The following ATG10 variants were observed in gnomAD, a reference collection of about 807,000 sequenced individuals.
ATG10 encodes the protein autophagy related 10, also known as ubiquitin-like-conjugating enzyme ATG10.
Under a neutral mutation model 32.1 loss-of-function variants are expected in ATG10, and 30 were observed. The observed-to-expected ratio is 0.94, with a 90% confidence interval of 0.70 to 1.27. The LOEUF (loss-of-function observed/expected upper bound fraction) is 1.27, where lower values mean the gene tolerates loss of function less well. ATG10 is among the 50% of genes most tolerant of loss of function. ATG10 has a pLI of 0.00. For synonymous variants in ATG10, 87 were observed against 91.5 expected, an observed-to-expected ratio of 0.95 and a Z score of 0.28; for missense variants, 233 against 262.3, an observed-to-expected ratio of 0.89 and a Z score of 0.77.
chr5:82,118,892 G>T (rs1285711572), intron 3 of ATG10, among the ~76,000 whole-genome samples: 2 of 152,088 alleles, frequency 1.3e-5, no homozygotes, highest in Admixed American at 1.3e-4. Flanking sequence ...AAAATCTGGG[G>T]ATAATATTGT....
At chr5:82,233,655 C>T (rs1746448070) in intron 5 of ATG10, among the ~76,000 whole-genome samples, 1 of 152,170 alleles carries the variant, frequency 6.6e-6, no homozygotes, top group Admixed American at 6.5e-5. Flanking sequence ...GGTACAGATG[C>T]TCCATCATTT....
At chr5:81,984,582 T>C (rs1300778468) in intron 1 of ATG10, among the ~76,000 whole-genome samples, 1 of 152,234 alleles carries the variant, frequency 6.6e-6, no homozygotes, top group Non-Finnish European at 1.5e-5. Flanking sequence ...AGTTCACATA[T>C]CTAAGATTTT....
chr5:81,984,583 C>G (rs1372189273), intron 1 of ATG10, among the ~76,000 whole-genome samples: 1 of 152,188 alleles, frequency 6.6e-6, no homozygotes, highest in African/African-American at 2.4e-5. Context: ...GTTCACATAT[C>G]TAAGATTTTT....
intron 3 of ATG10, among the ~76,000 whole-genome samples, chr5:82,153,104 T>A (rs1767669384): frequency 6.6e-6 from 1 of 152,196 alleles, no homozygotes; most frequent in Non-Finnish European, 1.5e-5. Context: ...CAAGATGTAT[T>A]CTTATATTCT....
At chr5:81,974,878 C>A (rs1259256165) in intron 1 of ATG10, among the ~76,000 whole-genome samples, 1 of 145,284 alleles carries the variant, frequency 6.9e-6, no homozygotes, top group East Asian at 1.9e-4. Context: ...TACTGGTCTA[C>A]CTCATTTCAA....
intron 3 of ATG10, among the ~76,000 whole-genome samples, chr5:82,079,530 G>C (rs941172669): frequency 1.3e-5 from 2 of 150,090 alleles, no homozygotes; most frequent in Non-Finnish European, 3.0e-5. Flanking sequence ...CCCACCCCAC[G>C]ACAGGCCCCA....
intron 5 of ATG10, among the ~76,000 whole-genome samples, chr5:82,247,262 C>T (rs866252558): frequency 2.0e-5 from 3 of 152,126 alleles, no homozygotes; most frequent in Admixed American, 6.5e-5. Context: ...TTTCAGATTG[C>T]GATTATCTGT....
At chr5:82,020,358 T>A (rs1762402304) in intron 2 of ATG10, among the ~76,000 whole-genome samples, 1 of 152,192 alleles carries the variant, frequency 6.6e-6, no homozygotes, top group Non-Finnish European at 1.5e-5. Flanking sequence ...TAGGATTGAG[T>A]CTTAATTATC....
chr5:82,112,767 G>A (rs1312973865), intron 3 of ATG10, among the ~76,000 whole-genome samples: 1 of 151,676 alleles, frequency 6.6e-6, no homozygotes, highest in Non-Finnish European at 1.5e-5. Flanking sequence ...ATTTAAGTAG[G>A]GAAACTGAAG....
chr5:82,224,074 G>T (rs956755351), intron 5 of ATG10, among the ~76,000 whole-genome samples: 1 of 152,116 alleles, frequency 6.6e-6, no homozygotes, highest in African/African-American at 2.4e-5. Context: ...GATGACCATG[G>T]GTCGACAGAA....
intron 3 of ATG10, among the ~76,000 whole-genome samples, chr5:82,108,993 C>T (rs570984261): frequency 4.0e-5 from 6 of 151,722 alleles, no homozygotes; most frequent in East Asian, 1.9e-4. Context: ...GATTTGGAGC[C>T]GAAGAAAAGT....
At chr5:82,151,749 G>A (rs1056508443) in intron 3 of ATG10, among the ~76,000 whole-genome samples, 4 of 152,000 alleles carry the variant, frequency 2.6e-5, no homozygotes, top group African/African-American at 9.7e-5. Flanking sequence ...TATTATTAAT[G>A]ATGACCCTTA....
intron 3 of ATG10, among the ~76,000 whole-genome samples, chr5:82,097,566 A>T (rs1765110973): frequency 6.6e-6 from 1 of 152,162 alleles, no homozygotes; most frequent in Admixed American, 6.5e-5. Context: ...TCCTCATTTA[A>T]TTTTTAAATA....
At chr5:82,169,538 G>A (rs1210620205) in intron 4 of ATG10, among the ~76,000 whole-genome samples, 2 of 151,832 alleles carry the variant, frequency 1.3e-5, no homozygotes, top group Non-Finnish European at 2.9e-5. Flanking sequence ...TTAAGACTGG[G>A]GCAAAAACGA....
intron 2 of ATG10, among the ~76,000 whole-genome samples, chr5:82,051,317 C>T (rs1035954919): frequency 6.6e-6 from 1 of 152,084 alleles, no homozygotes; most frequent in Non-Finnish European, 1.5e-5. Context: ...GCTCAGCTTC[C>T]TTAAGTGGAA....
intron 3 of ATG10, among the ~76,000 whole-genome samples, chr5:82,095,238 C>G (rs1484530123): frequency 6.6e-6 from 1 of 152,102 alleles, no homozygotes; most frequent in Non-Finnish European, 1.5e-5. Flanking sequence ...GGATCTGAGT[C>G]TGAGCCCTCA....
intron 2 of ATG10, among the ~76,000 whole-genome samples, chr5:82,033,631 A>G (rs1357228271): frequency 6.6e-6 from 1 of 151,724 alleles, no homozygotes; most frequent in Non-Finnish European, 1.5e-5. Flanking sequence ...CAACAACTAG[A>G]CATTGGAGTG....
intron 3 of ATG10, among the ~76,000 whole-genome samples, chr5:82,099,615 A>G (rs772184624): frequency 6.6e-6 from 1 of 152,172 alleles, no homozygotes; most frequent in Non-Finnish European, 1.5e-5. Flanking sequence ...TTTAAAGTCA[A>G]TAATAATAAT....
At chr5:82,214,984 A>C (rs1407099856) in intron 5 of ATG10, among the ~76,000 whole-genome samples, 1 of 152,254 alleles carries the variant, frequency 6.6e-6, no homozygotes, top group Non-Finnish European at 1.5e-5. Flanking sequence ...CATGTATTTC[A>C]GAGCTTTTAT....
Sources: allele counts gnomAD v4.1 joint callset (sites outside exome capture counted in the v4.1 genomes callset), GRCh38; gene constraint gnomAD v4.1.1; transcripts MANE v1.5; gene names NCBI Gene and HGNC (gene_info 2026-07-23, HGNC 2026-07-21).